LNX2: variants seen among roughly 807,000 people sequenced by gnomAD.
LNX2 encodes ligand of Numb protein X 2.
In LNX2, 35 loss-of-function variants were observed where a neutral mutation model predicts 66.2. The observed-to-expected ratio is 0.53, with a 90% CI of 0.40 to 0.70. The LOEUF is 0.70. Among genes scored for constraint, LNX2 ranks in the 30% least tolerant of loss-of-function variants. The pLI, the probability that LNX2 is intolerant of heterozygous loss-of-function variation, is 0.00. For synonymous variants in LNX2, 337 were observed against 315.6 expected, an observed-to-expected ratio of 1.07 and a Z score of -0.72; for missense variants, 791 against 850.8, an observed-to-expected ratio of 0.93 and a Z score of 0.87.
chr13:27,552,815 A>T (rs1280778298), intron 8 of LNX2, among the ~76,000 whole-genome samples: 1 of 152,264 alleles, frequency 6.6e-6, no homozygotes, highest in Non-Finnish European at 1.5e-5. Flanking sequence ...AAATAAATTT[A>T]AAAAGGTGTT....
At chr13:27,619,206 T>A (rs899333291) in intron 1 of LNX2, among the ~76,000 whole-genome samples, 2 of 152,212 alleles carry the variant, frequency 1.3e-5, no homozygotes, top group Non-Finnish European at 1.5e-5. Flanking sequence ...AACTCACATG[T>A]GGGACTCGGA....
Position 27,583,169 on chromosome 13 carries a change from A to AGTGTGTGTGTATGTGT in LNX2, c.-100-1367_-100-1366insACACATACACACACAC, listed in dbSNP as rs1955422105. Among the ~76,000 whole-genome samples, 7 of 44,128 alleles carry AGTGTGTGTGTATGTGT rather than the reference A, an allele frequency of 1.6e-4. 1 individual carries two copies. The highest frequency in any genetic ancestry group is 2.0e-4 in the Non-Finnish European group (5 of 25,004). 28.9% of individuals were successfully genotyped at this position (44,128 alleles called of 152,430 possible). A position where few individuals can be genotyped will look rare whatever the true frequency, so the allele number is the denominator to read the frequency against. The stretch of plus-strand genomic sequence containing the variant: ...TTTGGGCTTGCTTACTCAGAGCAGC[A>AGTGTGTGTGTATGTGT]GTGTGTGTGTGTGTGTGTGTGTGTG... On this transcript the variant is annotated intron_variant, in intron 1 of 9. Transcript: ENST00000316334.
Position 27,559,982 on chromosome 13 carries a change from T to C in LNX2, c.1228A>G (p.Ser410Gly). The stretch of plus-strand genomic sequence containing the variant: ...ATTGTTAAATTCACTCTCTCTCCAC[T>C]GGCCTGGAGAAAACACAAATACATT... Reference protein sequence around the residue: ...PELAAQIIQASGERVNLTIAR... With the variant: ...PELAAQIIQAGGERVNLTIAR... The change falls in exon 6 of 10, where the codon AGT becomes GGT. Residue 410 changes from serine (S) to glycine (G), a missense_variant. By Grantham distance (56) the Ser-to-Gly change is moderately conservative. Coordinates refer to ENST00000316334, the MANE Select transcript of LNX2 (RefSeq NM_153371.4). The C allele has an allele frequency of 3.1e-6, 5 of 1,596,856 alleles. No individual in the cohort carries two copies. Among genetic ancestry groups the C allele is most frequent in the Non-Finnish European group, 4.3e-6 (5 of 1,171,652 alleles).
intron 1 of LNX2, among the ~76,000 whole-genome samples, chr13:27,603,903 C>T (rs531382077): frequency 9.6e-4 from 146 of 151,750 alleles, no homozygotes; most frequent in African/African-American, 3.5e-3. Flanking sequence ...ATTCATACCA[C>T]TCTGCAATGC....
At chr13:27,613,884 A>G (rs765708905) in intron 1 of LNX2, among the ~76,000 whole-genome samples, 1 of 152,238 alleles carries the variant, frequency 6.6e-6, no homozygotes, top group Non-Finnish European at 1.5e-5. Context: ...GGGCAGAGAC[A>G]ATCTTTTGTG....
intron 1 of LNX2, among the ~76,000 whole-genome samples, chr13:27,585,295 G>A (rs147267100): frequency 0.043 from 6,482 of 151,766 alleles, 176 homozygotes; most frequent in East Asian, 0.094. Context: ...GGTGGCGGGC[G>A]CCTGTAGTCC....
At chr13:27,620,675 C>A (rs1205339554), upstream of LNX2, 1 of 152,732 alleles carries the variant, frequency 6.5e-6, no homozygotes, top group African/African-American at 2.4e-5. Context: ...CAGAGGGCGG[C>A]TCCACCTATC....
At position 27,567,648 on chromosome 13, in the gene LNX2, T is replaced by A. The variant is rs778728344; in HGVS notation, c.847A>T (p.Ile283Phe). ...ATAATTAAAACTGATACCTGAAGAATCTGGTCTCCAGCAAGAAGTCTCCCG... is the reference window on the plus strand; with the variant it reads ...ATAATTAAAACTGATACCTGAAGAAACTGGTCTCCAGCAAGAAGTCTCCCG... ...RDGRLLAGDQILQVNNYNISN... is the reference protein window; with the variant it reads ...RDGRLLAGDQFLQVNNYNISN... Residue 283 changes from isoleucine (I) to phenylalanine (F), a missense_variant, in exon 4 of 10, where the codon ATT (isoleucine) becomes TTT (phenylalanine). Ile to Phe is a conservative substitution (Grantham distance 21). Transcript: ENST00000316334. The A allele has an allele frequency of 6.2e-7, 1 of 1,613,648 alleles. No homozygotes were observed. The highest frequency in any genetic ancestry group is 8.5e-7 in the Non-Finnish European group (1 of 1,179,580).
At chr13:27,606,406 A>G (rs1382646524) in intron 1 of LNX2, among the ~76,000 whole-genome samples, 1 of 148,442 alleles carries the variant, frequency 6.7e-6, no homozygotes, top group Non-Finnish European at 1.5e-5. Flanking sequence ...GAAAAGCTCA[A>G]AAAAAAAAAA....
intron 2 of LNX2, among the ~76,000 whole-genome samples, chr13:27,580,033 C>T (rs903396663): frequency 2.6e-5 from 4 of 152,186 alleles, no homozygotes; most frequent in Non-Finnish European, 5.9e-5. Flanking sequence ...ATGTTTCCAA[C>T]ATTTTAATAA....
At chr13:27,548,542 G>GT in intron 9 of LNX2, 72 bp from the exon 10 acceptor site, 1 of 1,507,200 alleles carries the variant, frequency 6.6e-7, no homozygotes, top group Non-Finnish European at 9.0e-7. Context: ...TGAGATTTAT[G>GT]TAGCATGAAA....
In LNX2 at chr13:27,617,984, C is replaced by T. The variant is rs11841120; in HGVS notation, c.-101+2391G>A. Among the ~76,000 whole-genome samples the T allele has an allele frequency of 3.4e-3, 519 of 152,324 alleles. 2 individuals are homozygous for T. The highest frequency in any genetic ancestry group is 0.012 in the African/African-American group (493 of 41,578). Reference sequence around the variant, plus strand: ...TGCCAAAGGCATTACATGCATAATTCCTCAAACCCTACTCAACAGGTACGA... The same window carrying T: ...TGCCAAAGGCATTACATGCATAATTTCTCAAACCCTACTCAACAGGTACGA... On this transcript the variant is annotated intron_variant, in intron 1 of 9. Coordinates refer to ENST00000316334, the MANE Select transcript of LNX2 (RefSeq NM_153371.4).
chr13:27,589,130 T>C (rs1458052515), intron 1 of LNX2, among the ~76,000 whole-genome samples: 1 of 152,216 alleles, frequency 6.6e-6, no homozygotes, highest in East Asian at 1.9e-4. Flanking sequence ...CCAACAATCC[T>C]TTTGGAAAAG....
chr13:27,593,103 C>T (rs1398071377), intron 1 of LNX2, among the ~76,000 whole-genome samples: 1 of 152,106 alleles, frequency 6.6e-6, no homozygotes, highest in Non-Finnish European at 1.5e-5. Context: ...CATTTTTCAC[C>T]CCCATGTTTA....
chr13:27,587,408 C>A (rs1955499380), intron 1 of LNX2, among the ~76,000 whole-genome samples: 2 of 152,048 alleles, frequency 1.3e-5, no homozygotes. Context: ...CCTTTTTAAT[C>A]TTTTGTATTC....
chr13:27,574,271 C>A (rs1373414929), intron 2 of LNX2, among the ~76,000 whole-genome samples: 1 of 152,098 alleles, frequency 6.6e-6, no homozygotes, highest in African/African-American at 2.4e-5. Flanking sequence ...ATGGTGAAAC[C>A]CCGTCTCTAC....
upstream of LNX2, chr13:27,621,093 G>C (rs1398125883): frequency 6.5e-6 from 1 of 153,666 alleles, no homozygotes; most frequent in Non-Finnish European, 1.4e-5. Flanking sequence ...GAGCGAGCCT[G>C]GGCGGCGAAA....
chr13:27,587,965 A>G (rs375736390), intron 1 of LNX2, among the ~76,000 whole-genome samples: 27 of 149,664 alleles, frequency 1.8e-4, no homozygotes, highest in South Asian at 1.1e-3. Flanking sequence ...AGCTTGCAGT[A>G]AGCCGAGATG....
chr13:27,553,291 C>T lies in LNX2; in HGVS notation c.1695G>A (p.Ala565=), dbSNP rs769920774. The change falls in exon 8 of 10, where the codon GCG becomes GCA. Residue 565 remains alanine, a synonymous_variant. Coordinates refer to ENST00000316334, the MANE Select transcript of LNX2 (RefSeq NM_153371.4). ...CGCTGAAAGTACTCGGCTGCTCCTC[C>T]GCGTTCTGAGTCGCCTCCTCAACAA... is the stretch of plus-strand genomic sequence containing the variant. ...VQIVEEATQN[A]EEQPSTFSEN... is the part of the protein sequence containing the mutation. 10 of 1,614,038 alleles carry T rather than the reference C, an allele frequency of 6.2e-6. No individual in the cohort carries two copies. The highest frequency in any genetic ancestry group is 4.0e-5 in the African/African-American group (3 of 74,904).
Sources: allele counts gnomAD v4.1 joint callset (sites outside exome capture counted in the v4.1 genomes callset), GRCh38; gene constraint gnomAD v4.1.1; transcripts MANE v1.5; gene names NCBI Gene and HGNC (gene_info 2026-07-23, HGNC 2026-07-21).